The following PHACTR3 variants were observed in gnomAD, a reference collection of about 807,000 sequenced individuals.
PHACTR3 encodes protein phosphatase 1, regulatory subunit 123.
PHACTR3 carries 16 observed loss-of-function variants against 66.8 expected under a neutral mutation model. That is an observed-to-expected ratio of 0.24 (90% confidence interval 0.16 to 0.36). PHACTR3 has a LOEUF of 0.36. PHACTR3 is among the 10% of genes least tolerant of loss of function. PHACTR3 has a pLI of 1.00. For synonymous variants in PHACTR3, 323 were observed against 292.1 expected (o/e 1.11, Z -1.08); for missense variants, 647 against 719.9 (o/e 0.90, Z 1.16).
chr20:59,658,555 G>A (rs1023662492), intron 1 of PHACTR3, among the ~76,000 whole-genome samples: 1 of 152,002 alleles, frequency 6.6e-6, no homozygotes, highest in South Asian at 2.1e-4. Flanking sequence ...CTTTTCTGAC[G>A]CTGCAGCCTT....
intron 7 of PHACTR3, among the ~76,000 whole-genome samples, chr20:59,780,140 G>A (rs2040673960): frequency 6.6e-6 from 1 of 152,138 alleles, no homozygotes; most frequent in South Asian, 2.1e-4. Flanking sequence ...CTGATGGAAG[G>A]AAGCTGACTT....
chr20:59,714,626 CT>C (rs2038029396), intron 1 of PHACTR3, among the ~76,000 whole-genome samples: 1 of 152,144 alleles, frequency 6.6e-6, no homozygotes, highest in South Asian at 2.1e-4. Flanking sequence ...AATCCTACCA[CT>C]TTGTTTTTTT....
rs993386888 is a variant in PHACTR3, at chr20:59,767,248, A to G, written c.604A>G (p.Asn202Asp). ...ADAGSLLPTT[N>D]ELSQALAGAD... ...CGCTGGCAGCCTCCTGCCCACCACCAATGAGCTCTCCCAAGCCTTAGCTGG... is the reference window on the plus strand; with the variant it reads ...CGCTGGCAGCCTCCTGCCCACCACCGATGAGCTCTCCCAAGCCTTAGCTGG... The change falls in exon 5 of 13, where the codon AAT becomes GAT. Residue 202 changes from asparagine (N) to aspartate (D), a missense_variant. Asn to Asp is a conservative substitution (Grantham distance 23, BLOSUM62 1). Around this residue, in one of 2 missense-constraint regions of PHACTR3, gnomAD observed 577 missense variants for 571.1 expected, o/e 1.01. Coordinates refer to ENST00000371015, the MANE Select transcript of PHACTR3 (RefSeq NM_080672.5). 6 of 1,614,234 alleles carry G rather than the reference A, an allele frequency of 3.7e-6. No individual in the cohort carries two copies. Among genetic ancestry groups the G allele is most frequent in the African/African-American group, 1.3e-5 (1 of 75,066 alleles).
In PHACTR3 at chr20:59,824,083, C is replaced by T. The variant is rs2042120027; in HGVS notation, c.1329-12422C>T. On this transcript the variant is annotated intron_variant, in intron 8 of 12. Transcript: ENST00000371015. Reference sequence around the variant, plus strand: ...GCCTCAACCGGTATCTAAGGCCTTCCCACTGATCAGATCAGGCCCACCCAT... The same window carrying T: ...GCCTCAACCGGTATCTAAGGCCTTCTCACTGATCAGATCAGGCCCACCCAT... 4.6e-5 allele frequency among the ~76,000 whole-genome samples: 7 copies of T among 152,312 alleles called. No individual in the cohort carries two copies. In the South Asian group the frequency reaches 1.5e-3, roughly 32 times the overall value.
intron 1 of PHACTR3, among the ~76,000 whole-genome samples, chr20:59,653,476 A>T (rs771096509): frequency 1.9e-4 from 29 of 152,150 alleles, no homozygotes; most frequent in Non-Finnish European, 3.4e-4. Flanking sequence ...GAGCCACTGC[A>T]CTCGGCTGTG....
At chr20:59,675,040 C>A (rs1490190982) in intron 1 of PHACTR3, among the ~76,000 whole-genome samples, 4 of 118,946 alleles carry the variant, frequency 3.4e-5, no homozygotes, top group Admixed American at 8.8e-5. Context: ...GTTCCTCCCC[C>A]TTCTCCTCCC....
intron 7 of PHACTR3, among the ~76,000 whole-genome samples, chr20:59,793,407 C>A (rs2041161545): frequency 6.6e-6 from 1 of 152,126 alleles, no homozygotes; most frequent in Admixed American, 6.5e-5. Context: ...TTTATTCTTC[C>A]CAGCCATGGA....
chr20:59,819,694 T>A (rs1048545384), intron 8 of PHACTR3, among the ~76,000 whole-genome samples: 1 of 151,278 alleles, frequency 6.6e-6, no homozygotes, highest in Non-Finnish European at 1.5e-5. Flanking sequence ...AGGCACCTGG[T>A]TGGGCCAGTG....
chr20:59,766,792 T>C (rs1442819266), intron 4 of PHACTR3, among the ~76,000 whole-genome samples: 1 of 152,230 alleles, frequency 6.6e-6, no homozygotes, highest in Non-Finnish European at 1.5e-5. Flanking sequence ...CACAATGCCA[T>C]GCATGAGTAA....
intron 4 of PHACTR3, among the ~76,000 whole-genome samples, chr20:59,764,737 G>A (rs77883331): frequency 0.014 from 2,203 of 152,276 alleles, 25 homozygotes; most frequent in Middle Eastern, 0.054. Context: ...ACAAAGAAGC[G>A]TTCAGGAACA....
At chr20:59,682,820 GA>G (rs1178167681) in intron 1 of PHACTR3, among the ~76,000 whole-genome samples, 1 of 152,078 alleles carries the variant, frequency 6.6e-6, no homozygotes, top group Non-Finnish European at 1.5e-5. Context: ...GTGGTGGCTG[GA>G]GTCACATGAG....
chr20:59,739,058 C>T (rs1047905749), intron 1 of PHACTR3, among the ~76,000 whole-genome samples: 1 of 152,254 alleles, frequency 6.6e-6, no homozygotes, highest in Admixed American at 6.5e-5. Flanking sequence ...CTGTACATCC[C>T]TCTGCCTCCC....
intron 1 of PHACTR3, among the ~76,000 whole-genome samples, chr20:59,707,186 T>C (rs963771218): frequency 8.5e-5 from 13 of 152,216 alleles, no homozygotes; most frequent in Non-Finnish European, 1.3e-4. Flanking sequence ...TCTGTGTCCA[T>C]CTGATTTGGC....
chr20:59,709,344 T>C (rs1348063355), intron 1 of PHACTR3, among the ~76,000 whole-genome samples: 1 of 152,210 alleles, frequency 6.6e-6, no homozygotes, highest in East Asian at 1.9e-4. Flanking sequence ...TTTGTCCTAG[T>C]TTGCTAACAC....
chr20:59,706,141 A>G (rs1240259262), intron 1 of PHACTR3, among the ~76,000 whole-genome samples: 2 of 152,202 alleles, frequency 1.3e-5, no homozygotes, highest in East Asian at 3.9e-4. Context: ...TGACATTAAG[A>G]CCCCACTGGC....
At chr20:59,834,309 C>T (rs1464501990) in intron 8 of PHACTR3, among the ~76,000 whole-genome samples, 3 of 152,214 alleles carry the variant, frequency 2.0e-5, no homozygotes, top group African/African-American at 7.2e-5. Context: ...AGGAATCTGG[C>T]TTGTTCCTGC....
intron 1 of PHACTR3, among the ~76,000 whole-genome samples, chr20:59,586,136 C>T (rs1343825415): frequency 6.6e-6 from 1 of 152,216 alleles, no homozygotes; most frequent in African/African-American, 2.4e-5. Context: ...CTCCAGGTGG[C>T]CTGCCCTGGC....
At chr20:59,674,859 TG>T (rs2036384187) in intron 1 of PHACTR3, among the ~76,000 whole-genome samples, 2 of 61,772 alleles carry the variant, frequency 3.2e-5, no homozygotes, top group African/African-American at 9.3e-5. Context: ...CTTCTCCTGT[TG>T]CCCCTTCTCC....
intron 3 of PHACTR3, among the ~76,000 whole-genome samples, chr20:59,751,860 G>A (rs766503939): frequency 2.8e-4 from 43 of 152,158 alleles, no homozygotes; most frequent in Non-Finnish European, 5.4e-4. Context: ...CCGTGACTAA[G>A]TGAGGCCAGA....
Sources: allele counts gnomAD v4.1 joint callset (sites outside exome capture counted in the v4.1 genomes callset), GRCh38; gene constraint gnomAD v4.1.1; regional missense constraint gnomAD v4.1.1; transcripts MANE v1.5; gene names NCBI Gene and HGNC (gene_info 2026-07-23, HGNC 2026-07-21).